PDXDC1: variants seen among roughly 807,000 people sequenced by gnomAD.
The protein encoded by PDXDC1 is pyridoxal-dependent decarboxylase domain-containing protein 1.
PDXDC1 carries 42 observed loss-of-function variants against 100.1 expected under a neutral mutation model. That is an observed-to-expected ratio of 0.42 (90% CI 0.33 to 0.54). PDXDC1 has a LOEUF of 0.54. PDXDC1 is among the 20% of genes least tolerant of loss of function. The pLI is 0.10. For missense variants in PDXDC1, 636 were observed against 979.2 expected (o/e 0.65, Z 4.68); for synonymous variants, 260 against 371.7 (o/e 0.70, Z 3.46).
chr16:14,974,837 A>G (rs1484413532), upstream of PDXDC1: 1 of 1,535,596 alleles, frequency 6.5e-7, no homozygotes, highest in Admixed American at 2.0e-5. Context: ...CTTTCACTCC[A>G]TGAATAGTAC....
At chr16:15,044,413 A>G in intron 16 of PDXDC1, 1 of 1,609,708 alleles carries the variant, frequency 6.2e-7, no homozygotes, top group Non-Finnish European at 8.5e-7. Flanking sequence ...CCAGCCTGGC[A>G]AAGAGATGAG....
intron 8 of PDXDC1, among the ~76,000 whole-genome samples, chr16:15,014,428 A>G (rs1394635409): frequency 6.6e-6 from 1 of 152,294 alleles, no homozygotes; most frequent in Admixed American, 6.5e-5. Flanking sequence ...TAGTCACCAG[A>G]CATTGCCAAG....
downstream of PDXDC1, chr16:15,040,092 G>A (rs748117670): frequency 7.5e-7 from 1 of 1,330,128 alleles, no homozygotes; most frequent in Non-Finnish European, 1.1e-6. Context: ...GGATGACTCT[G>A]AATTGACAAA....
rs1270155714 is a variant in PDXDC1 at position 15,031,137 on chromosome 16, C to CTTTTA, written c.1400-598_1400-597insTTTTA. Among the ~76,000 whole-genome samples the CTTTTA allele has an allele frequency of 2.0e-4, 23 of 114,222 alleles. No individual in the cohort carries two copies. The East Asian group carries it at 4.9e-3, about 24-fold the overall frequency. The allele number at this position is 114,222 out of a possible 152,430, so 74.9% of individuals were successfully genotyped here. A position where few individuals can be genotyped will look rare whatever the true frequency, so the allele number is the denominator to read the frequency against. On this transcript the variant is annotated intron_variant, in intron 16 of 22. Transcript: ENST00000396410. ...ATTTTTTTTTTTTTTTTTTTTTTTC[C>CTTTTA]ATAGAGACGTGGTCTCACTCTGTCA...
intron 16 of PDXDC1, chr16:15,123,443 G>A: frequency 1.4e-6 from 1 of 723,902 alleles, no homozygotes; most frequent in African/African-American, 1.8e-5. Context: ...TACCCAAGCA[G>A]AGTGCCAGGT....
At chr16:15,111,141 C>G (rs978737516) in intron 16 of PDXDC1, among the ~76,000 whole-genome samples, 3 of 148,530 alleles carry the variant, frequency 2.0e-5, no homozygotes, top group Non-Finnish European at 4.5e-5. Context: ...CACACACACA[C>G]ACACACACAC....
intron 3 of PDXDC1, among the ~76,000 whole-genome samples, chr16:14,998,818 T>C (rs932966038): frequency 1.3e-5 from 2 of 152,282 alleles, no homozygotes; most frequent in African/African-American, 2.4e-5. Context: ...AATGAACACA[T>C]AGCAAATTTA....
chr16:14,975,455 C>G (rs1229124439), intron 1 of PDXDC1: 1 of 985,230 alleles, frequency 1.0e-6, no homozygotes, highest in Non-Finnish European at 1.2e-6. Context: ...CGGTGGGGGC[C>G]GCGACGGGCC....
At chr16:15,000,107 A>T (rs1037693481) in intron 3 of PDXDC1, among the ~76,000 whole-genome samples, 2 of 152,286 alleles carry the variant, frequency 1.3e-5, no homozygotes, top group Non-Finnish European at 2.9e-5. Context: ...AGGCCCTATA[A>T]AATCTCCTCA....
chr16:15,074,663 G>A, intron 16 of PDXDC1: 9 of 1,292,088 alleles, frequency 7.0e-6, no homozygotes, highest in Non-Finnish European at 7.5e-6. Flanking sequence ...GATGGAAAAT[G>A]CCCAGCACAA....
downstream of PDXDC1, chr16:15,038,716 T>C: frequency 7.9e-7 from 1 of 1,268,250 alleles, no homozygotes; most frequent in East Asian, 2.3e-5. Context: ...AGGATAGAAT[T>C]TCAGGAATGT....
At chr16:15,135,451 C>A in intron 16 of PDXDC1, 1 of 1,224,242 alleles carries the variant, frequency 8.2e-7, no homozygotes, top group Non-Finnish European at 1.2e-6. Flanking sequence ...GAACAAGGGG[C>A]GACGTGGCCC....
intron 1 of PDXDC1, among the ~76,000 whole-genome samples, chr16:14,983,644 TATTCATGTC>T (rs1373232187): frequency 6.6e-6 from 1 of 152,032 alleles, no homozygotes; most frequent in Non-Finnish European, 1.5e-5. Flanking sequence ...AAACAGCAGT[TATTCATGTC>T]AGTTATTCAT....
chr16:15,137,633 C>A, intron 16 of PDXDC1: 4 of 1,343,170 alleles, frequency 3.0e-6, no homozygotes, highest in Non-Finnish European at 4.1e-6. Context: ...GGCTCCCATG[C>A]TGTTCCCTTG....
At chr16:15,029,811 T>A (rs1292580050) in intron 15 of PDXDC1, 140 bp from the exon 16 acceptor site, 2 of 679,220 alleles carry the variant, frequency 2.9e-6, no homozygotes, top group Non-Finnish European at 2.5e-6. Context: ...AAAAAGCTGC[T>A]CTAAGTAATC....
intron 16 of PDXDC1, among the ~76,000 whole-genome samples, chr16:15,101,974 G>C (rs1285605126): frequency 3.9e-5 from 6 of 151,906 alleles, no homozygotes; most frequent in African/African-American, 1.5e-4. Context: ...TCAGCCTCCC[G>C]AGTAGCTGGG....
In PDXDC1 at chr16:15,026,623, T is replaced by C. The variant is rs760568318; in HGVS notation, c.1141-20T>C. The stretch of plus-strand genomic sequence containing the variant: ...TGGAGTTTAATGTTACTTGGTGATA[T>C]GAGACTTCCATTCTTCCAGGTGGAA... On this transcript the variant is annotated intron_variant, in intron 13 of 22. Coordinates refer to ENST00000396410, the MANE Select transcript of PDXDC1 (RefSeq NM_015027.4). 2.5e-6 allele frequency: 4 copies of C among 1,607,034 alleles called. No individual in the cohort carries two copies. The highest frequency in any genetic ancestry group is 2.2e-5 in the East Asian group (1 of 44,550).
At chr16:14,998,656 C>A (rs1972518131) in intron 3 of PDXDC1, among the ~76,000 whole-genome samples, 2 of 152,282 alleles carry the variant, frequency 1.3e-5, no homozygotes, top group South Asian at 2.1e-4. Flanking sequence ...GCCATGTTGG[C>A]CAGGCTGGTT....
chr16:15,132,432 G>A (rs2048147554), intron 16 of PDXDC1, among the ~76,000 whole-genome samples: 2 of 129,972 alleles, frequency 1.5e-5, no homozygotes, highest in African/African-American at 5.8e-5. Flanking sequence ...GGGGAGGGAA[G>A]GGGGAGGGGA....
Sources: gnomAD v4.1 joint callset for allele counts (sites outside exome capture counted in the v4.1 genomes callset) on GRCh38, gnomAD v4.1.1 for gene constraint, MANE v1.5 for transcripts, NCBI Gene and HGNC (gene_info 2026-07-23, HGNC 2026-07-21) for gene names.